Variants in GSE1 observed in about 807,000 individuals in gnomAD.
The protein encoded by GSE1 is Gse1 coiled-coil protein.
Under a neutral mutation model 112.6 loss-of-function variants are expected in GSE1, and 32 were observed. The observed-to-expected ratio is 0.28, with a 90% confidence interval of 0.21 to 0.38. The LOEUF (loss-of-function observed/expected upper bound fraction) is 0.38, where lower values mean the gene tolerates loss of function less well. Among genes scored for constraint, GSE1 ranks in the 10% least tolerant of loss-of-function variants. The pLI is 1.00. For missense variants in GSE1, 2,348 were observed against 1,699.2 expected, an observed-to-expected ratio of 1.38 and a Z score of -6.71; for synonymous variants, 1,115 against 735.6, an observed-to-expected ratio of 1.52 and a Z score of -8.35.
intron 1 of GSE1, among the ~76,000 whole-genome samples, chr16:85,346,068 A>T (rs562347830): frequency 6.8e-6 from 1 of 147,186 alleles, no homozygotes; most frequent in East Asian, 2.2e-4. Context: ...TGAACAATGG[A>T]TAGGTGGATG....
chr16:85,509,041 C>T lies in GSE1; in HGVS notation c.2465-124873C>T, dbSNP rs74031823. ...GAACAGCAGGGAGAGGGACTTGAAC[C>T]AGGACCTGAGGAAGAGGAGGGATCC... On this transcript the variant is annotated intron_variant, in intron 2 of 2. Transcript: ENST00000637419. Among the ~76,000 whole-genome samples the T allele has an allele frequency of 2.1e-3, 313 of 152,324 alleles. 1 individual carries two copies. Among genetic ancestry groups the T allele is most frequent in the African/African-American group, 7.1e-3 (297 of 41,558 alleles).
rs376972076 is a variant in GSE1 at position 85,344,051 on chromosome 16, G to A, written c.2284-13412G>A. On this transcript the variant is annotated intron_variant, in intron 1 of 2. Transcript: ENST00000637419. ...ATAACTCAGATACGTCTCCTTCAGC[G>A]GCTGTGCTGAGGACGCCGTGCCAGG... Among the ~76,000 whole-genome samples, 56 of 152,312 alleles carry A rather than the reference G, an allele frequency of 3.7e-4. No homozygotes were observed. In the South Asian group the frequency reaches 0.01, roughly 28 times the overall value.
chr16:85,331,353 GTGTGTGTGTGTGTATATA>G lies in GSE1; in HGVS notation c.2284-26106_2284-26089del, dbSNP rs1212401487. 2.3e-3 allele frequency among the ~76,000 whole-genome samples: 165 copies of G among 71,698 alleles called. 9 individuals carry two copies. The highest frequency in any genetic ancestry group is 5.0e-3 in the African/African-American group (138 of 27,568). The allele number at this position is 71,698 out of a possible 152,430, so 47.0% of individuals were successfully genotyped here. On this transcript the variant is annotated intron_variant, in intron 1 of 2. Coordinates refer to the GSE1 transcript ENST00000637419. ...TGTGTGTGTGTGTGTGTGTGTGTGT[GTGTGTGTGTGTGTATATA>G]TGTATATATATGTATATATATGTGT...
intron 2 of GSE1, among the ~76,000 whole-genome samples, chr16:85,378,440 C>G (rs981576218): frequency 6.6e-6 from 1 of 152,144 alleles, no homozygotes; most frequent in Non-Finnish European, 1.5e-5. Context: ...GGCAGGAAGC[C>G]TTTCACTTAG....
rs79581917 is a variant in GSE1, at chr16:85,396,356, C to A, written c.2464+38713C>A. The stretch of plus-strand genomic sequence containing the variant: ...ATATTAGGCCGTGGCCCAGCGCAGA[C>A]AGGCCCTGTCTTGAACTCCAGCACA... On this transcript the variant is annotated intron_variant, in intron 2 of 2. Transcript: ENST00000637419. 6.0e-3 allele frequency among the ~76,000 whole-genome samples: 914 copies of A among 152,364 alleles called. 30 individuals carry two copies. The East Asian group carries it at 0.089, about 15-fold the overall frequency.
At chr16:85,343,808 A>G (rs1037746090) in intron 1 of GSE1, among the ~76,000 whole-genome samples, 1 of 152,190 alleles carries the variant, frequency 6.6e-6, no homozygotes. Flanking sequence ...AGCTCGGAAC[A>G]TCCAGCAGGC....
At chr16:85,402,169 G>C (rs763395296) in intron 2 of GSE1, among the ~76,000 whole-genome samples, 1 of 152,344 alleles carries the variant, frequency 6.6e-6, no homozygotes, top group Non-Finnish European at 1.5e-5. Context: ...GGTGCCCTGC[G>C]ATGTCTGGGC....
chr16:85,588,281 G>T (rs1412408372), intron 1 of GSE1, among the ~76,000 whole-genome samples: 2 of 152,240 alleles, frequency 1.3e-5, no homozygotes, highest in African/African-American at 4.8e-5. Flanking sequence ...CCACCAGCCT[G>T]GCCGCTCTTG....
At position 85,663,477 on chromosome 16, in the gene GSE1, G is replaced by T; in HGVS notation, c.2507G>T (p.Arg836Leu). The change falls in exon 11 of 16, where the codon CGG (arginine) becomes CTG (leucine). Residue 836 changes from arginine (R) to leucine (L), a missense_variant. Physicochemically the swap from Arg to Leu is moderately radical, Grantham distance 102. Coordinates refer to ENST00000253458, the MANE Select transcript of GSE1 (RefSeq NM_014615.5). The stretch of plus-strand genomic sequence containing the variant: ...TCGCCCCCAACAATTCAGAGCAAGC[G>T]GCAGACGCCTTCACCGAGACTGGCG... ...SPSPPTIQSK[R>L]QTPSPRLALS... The T allele has an allele frequency of 6.2e-7, 1 of 1,613,868 alleles. No homozygotes were observed. Among genetic ancestry groups the T allele is most frequent in the Non-Finnish European group, 8.5e-7 (1 of 1,180,018 alleles).
intron 2 of GSE1, among the ~76,000 whole-genome samples, chr16:85,637,678 GA>G (rs1281172849): frequency 6.6e-6 from 1 of 152,224 alleles, no homozygotes; most frequent in Non-Finnish European, 1.5e-5. Flanking sequence ...GTGGCATGGG[GA>G]ATTCCAATCC....
At chr16:85,446,841 G>T (rs2049528157) in intron 2 of GSE1, among the ~76,000 whole-genome samples, 1 of 152,108 alleles carries the variant, frequency 6.6e-6, no homozygotes, top group Admixed American at 6.5e-5. Flanking sequence ...AGCTTCCCGA[G>T]GTTCCTCCCA....
chr16:85,235,981 GGCCTGGGCCT>G (rs1240373767), intron 1 of GSE1, among the ~76,000 whole-genome samples: 1 of 151,918 alleles, frequency 6.6e-6, no homozygotes, highest in East Asian at 1.9e-4. Flanking sequence ...GCCGGGCCTG[GGCCTGGGCCT>G]GGGCCTGGGG....
chr16:85,437,211 C>T (rs1051659187), intron 2 of GSE1, among the ~76,000 whole-genome samples: 1 of 152,148 alleles, frequency 6.6e-6, no homozygotes, highest in Non-Finnish European at 1.5e-5. Flanking sequence ...CCTCCGCCGC[C>T]GGGCTCCCCA....
At chr16:85,358,021 G>A (rs2046987603) in intron 2 of GSE1, among the ~76,000 whole-genome samples, 1 of 151,986 alleles carries the variant, frequency 6.6e-6, no homozygotes, top group Non-Finnish European at 1.5e-5. Context: ...TCAACACACT[G>A]TGTCCCAGGT....
intron 1 of GSE1, among the ~76,000 whole-genome samples, chr16:85,291,957 C>T (rs1211647029): frequency 6.6e-6 from 1 of 152,198 alleles, no homozygotes; most frequent in African/African-American, 2.4e-5. Flanking sequence ...GGCAGCCCTG[C>T]CCTTGACCCT....
At chr16:85,470,591 C>T (rs2050262331) in intron 2 of GSE1, among the ~76,000 whole-genome samples, 2 of 152,204 alleles carry the variant, frequency 1.3e-5, no homozygotes, top group South Asian at 4.1e-4. Context: ...CTTCCCAATG[C>T]AATTGCTCTG....
rs1014801117 is a variant in GSE1, at chr16:85,304,798, G to A, written c.2284-52665G>A. 1.3e-5 allele frequency among the ~76,000 whole-genome samples: 2 copies of A among 152,336 alleles called. 1 individual carries two copies. Among genetic ancestry groups the A allele is most frequent in the Middle Eastern group, 6.8e-3 (2 of 294 alleles). On this transcript the variant is annotated intron_variant, in intron 1 of 2. Coordinates refer to the GSE1 transcript ENST00000637419. ...AAGACAGCGACCAGGCCGCTCTGCA[G>A]CCACAGAATGACTCAATGTCCCCCT... is the stretch of plus-strand genomic sequence containing the variant.
rs536120794 is a variant in GSE1, at chr16:85,461,485, G to C, written c.2464+103842G>C. Among the ~76,000 whole-genome samples the C allele has an allele frequency of 1.3e-3, 192 of 152,256 alleles. 1 individual carries two copies. Among genetic ancestry groups the C allele is most frequent in the Admixed American group, 3.0e-3 (46 of 15,306 alleles). ...CCATGCCCAGAGGTGTGATGTCATT[G>C]GTCTGGGGGCAGGCCCACGCAAGGG... On this transcript the variant is annotated intron_variant, in intron 2 of 2. Transcript: ENST00000637419.
At chr16:85,438,982 A>T (rs1022310102) in intron 2 of GSE1, among the ~76,000 whole-genome samples, 1 of 152,170 alleles carries the variant, frequency 6.6e-6, no homozygotes, top group Non-Finnish European at 1.5e-5. Flanking sequence ...CCTCTGCCCC[A>T]GGCCCTGTGA....
Sources: allele counts gnomAD v4.1 joint callset (sites outside exome capture counted in the v4.1 genomes callset), GRCh38; gene constraint gnomAD v4.1.1; transcripts MANE v1.5; gene names NCBI Gene and HGNC (gene_info 2026-07-23, HGNC 2026-07-21).